The following FGF13 variants were observed in gnomAD, a reference collection of about 807,000 sequenced individuals.
FGF13 encodes the protein fibroblast growth factor 13.
In FGF13, 2 loss-of-function variants were observed where a neutral mutation model predicts 19.5. The ratio of observed to expected loss-of-function variants is 0.10; its 90% CI spans 0.04 to 0.32. The LOEUF (loss-of-function observed/expected upper bound fraction) is 0.32, where lower values mean the gene tolerates loss of function less well. Among genes scored for constraint, FGF13 ranks in the 10% least tolerant of loss-of-function variants. The pLI is 1.00. For missense variants in FGF13, 113 were observed against 192.7 expected, an observed-to-expected ratio of 0.59 and a Z score of 2.45; for synonymous variants, 72 against 76.9, an observed-to-expected ratio of 0.94 and a Z score of 0.33.
intron 1 of FGF13, among the ~76,000 whole-genome samples, chrX:138,939,504 A>C (rs993497030): frequency 5.4e-5 from 6 of 111,048 alleles, no homozygotes; most frequent in African/African-American, 2.0e-4. Flanking sequence ...TTGGTGTACA[A>C]ATTATTTAGT....
At chrX:139,201,787 A>C (rs1484152842) in intron 1 of FGF13, among the ~76,000 whole-genome samples, 1 of 112,408 alleles carries the variant, frequency 8.9e-6, no homozygotes, top group East Asian at 2.8e-4. Context: ...TATACTTGAA[A>C]GAAGAAAATA....
chrX:138,804,662 CTT>C (rs1317349934), intron 3 of FGF13, among the ~76,000 whole-genome samples: 8 of 112,000 alleles, frequency 7.1e-5, no homozygotes, highest in Admixed American at 2.8e-4. Flanking sequence ...TGCAATTTGA[CTT>C]AGGTTATATT....
intron 3 of FGF13, among the ~76,000 whole-genome samples, chrX:138,662,422 C>T (rs1359308883): frequency 9.0e-6 from 1 of 111,607 alleles, no homozygotes; most frequent in Admixed American, 9.5e-5. Context: ...TTGGAATATG[C>T]TTCAACCATC....
At chrX:138,701,785 G>A (rs971687957) in intron 3 of FGF13, among the ~76,000 whole-genome samples, 1 of 111,817 alleles carries the variant, frequency 8.9e-6, no homozygotes, top group African/African-American at 3.3e-5. Flanking sequence ...TGCACACCTG[G>A]CTTTGAAAGA....
At chrX:138,868,861 C>T (rs1400231482) in intron 1 of FGF13, among the ~76,000 whole-genome samples, 1 of 110,504 alleles carries the variant, frequency 9.0e-6, no homozygotes, top group Non-Finnish European at 1.9e-5. Context: ...GATGGTTGCC[C>T]GAAATTTCCA....
At chrX:139,072,276 TAC>T (rs761988012) in intron 1 of FGF13, among the ~76,000 whole-genome samples, 2,100 of 98,604 alleles carry the variant, frequency 0.021, 34 homozygotes, top group African/African-American at 0.055. Flanking sequence ...TCTCTCTCTC[TAC>T]ACACACACAC....
intron 3 of FGF13, among the ~76,000 whole-genome samples, chrX:138,820,609 G>C (rs1275091813): frequency 8.9e-6 from 1 of 111,967 alleles, no homozygotes; most frequent in Non-Finnish European, 1.9e-5. Context: ...GCTATAGTTT[G>C]CTAACCTCTG....
intron 1 of FGF13, among the ~76,000 whole-genome samples, chrX:138,991,873 G>C (rs1254145031): frequency 9.0e-6 from 1 of 111,637 alleles, no homozygotes; most frequent in Non-Finnish European, 1.9e-5. Context: ...ATCTGTGCTA[G>C]ATAGTTGAAA....
intron 3 of FGF13, among the ~76,000 whole-genome samples, chrX:138,800,929 A>G (rs2090823702): frequency 8.9e-6 from 1 of 112,059 alleles, no homozygotes; most frequent in Non-Finnish European, 1.9e-5. Flanking sequence ...TTTCAGCTCC[A>G]TCAGGTCATT....
intron 1 of FGF13, among the ~76,000 whole-genome samples, chrX:139,147,442 G>A (rs762241785): frequency 3.6e-5 from 4 of 111,586 alleles, no homozygotes; most frequent in Admixed American, 9.5e-5. Context: ...GTGCTGCAAG[G>A]GAAGCAGGAC....
intron 1 of FGF13, among the ~76,000 whole-genome samples, chrX:139,200,806 A>C (rs748348777): frequency 7.5e-4 from 85 of 112,793 alleles, no homozygotes; most frequent in African/African-American, 2.6e-3. Flanking sequence ...CCGATGCCAC[A>C]GGAAAACTGT....
At chrX:138,887,244 G>A (rs758376198) in intron 1 of FGF13, among the ~76,000 whole-genome samples, 1 of 111,910 alleles carries the variant, frequency 8.9e-6, no homozygotes, top group African/African-American at 3.3e-5. Context: ...TATGAAATGT[G>A]TACAATGTCT....
At chrX:138,715,579 G>A (rs1424450908), upstream of FGF13, among the ~76,000 whole-genome samples, 1 of 111,853 alleles carries the variant, frequency 8.9e-6, no homozygotes, top group Non-Finnish European at 1.9e-5. Context: ...AAAACAAAAC[G>A]TTTGGAAACC....
intron 1 of FGF13, among the ~76,000 whole-genome samples, chrX:138,931,748 C>A (rs1388475747): frequency 8.9e-6 from 1 of 111,938 alleles, no homozygotes; most frequent in Non-Finnish European, 1.9e-5. Flanking sequence ...TTATCATTTG[C>A]AAAACCTCAA....
Position 138,721,874 on chromosome X carries a change from ATGTC to A in FGF13, c.29-12950_29-12947del, listed in dbSNP as rs200891287. Among the ~76,000 whole-genome samples, 39 of 110,680 alleles carry A rather than the reference ATGTC, an allele frequency of 3.5e-4. No homozygotes were observed. In the East Asian group the frequency reaches 0.011, roughly 31 times the overall value. ...CAATTTCTGTTTGGTGTTTGATAAT[ATGTC>A]TATTTTTTCATAACGTTCTGATCAT... On this transcript the variant is annotated intron_variant, in intron 1 of 4. Transcript: ENST00000305414.
intron 3 of FGF13, among the ~76,000 whole-genome samples, chrX:138,659,757 A>G (rs923169158): frequency 8.9e-6 from 1 of 111,962 alleles, no homozygotes; most frequent in African/African-American, 3.2e-5. Context: ...TGTCCTTTGC[A>G]GGGACACAGA....
intron 3 of FGF13, among the ~76,000 whole-genome samples, chrX:138,785,890 AATC>A (rs1279985721): frequency 9.0e-6 from 1 of 111,503 alleles, no homozygotes; most frequent in East Asian, 2.8e-4. Flanking sequence ...CTTACCCACA[AATC>A]ATCTCTCCCA....
At chrX:139,130,263 C>A (rs2083751102) in intron 1 of FGF13, among the ~76,000 whole-genome samples, 1 of 111,840 alleles carries the variant, frequency 8.9e-6, no homozygotes, top group South Asian at 3.7e-4. Flanking sequence ...TCATCTGGAA[C>A]AAGGCATCTC....
intron 1 of FGF13, among the ~76,000 whole-genome samples, chrX:139,041,706 A>G (rs1017733423): frequency 8.9e-6 from 1 of 111,815 alleles, no homozygotes. Context: ...TCTAAATGCA[A>G]TCACAGTTCC....
Sources: allele counts gnomAD v4.1 joint callset (sites outside exome capture counted in the v4.1 genomes callset), GRCh38; gene constraint gnomAD v4.1.1; transcripts MANE v1.5; gene names NCBI Gene and HGNC (gene_info 2026-07-23, HGNC 2026-07-21).